The following LIPA variants were observed in gnomAD, a reference collection of about 807,000 sequenced individuals.
LIPA encodes lysosomal acid lipase/cholesteryl ester hydrolase.
LIPA carries 26 observed loss-of-function variants against 40.6 expected under a neutral mutation model. That is an observed-to-expected ratio of 0.64 (90% confidence interval 0.47 to 0.89). The LOEUF is 0.89. Ranked by LOEUF, LIPA falls within the 40% of genes least tolerant of loss-of-function variation. LIPA has a pLI of 0.00. For missense variants in LIPA, 455 were observed against 479.6 expected (o/e 0.95, Z 0.48); for synonymous variants, 188 against 168.4 (o/e 1.12, Z -0.90).
chr10:89,381,202 A>T (rs1313494605), intron 2 of LIPA, among the ~76,000 whole-genome samples: 1 of 152,174 alleles, frequency 6.6e-6, no homozygotes, highest in East Asian at 1.9e-4. Flanking sequence ...CTCTAGAGTA[A>T]TGGAAGTCTG....
intron 1 of LIPA, among the ~76,000 whole-genome samples, chr10:89,286,818 C>T: frequency 6.6e-6 from 1 of 152,250 alleles, no homozygotes; most frequent in East Asian, 1.9e-4. Context: ...AGAGTAGAGT[C>T]AGCCAAGTAA....
intron 2 of LIPA, among the ~76,000 whole-genome samples, chr10:89,364,046 A>G (rs1844041731): frequency 6.6e-6 from 1 of 152,202 alleles, no homozygotes; most frequent in East Asian, 1.9e-4. Flanking sequence ...TATCATATCT[A>G]AATCTAAATA....
intron 1 of LIPA, among the ~76,000 whole-genome samples, chr10:89,330,731 G>A (rs12098435): frequency 0.051 from 6,892 of 135,012 alleles, 526 homozygotes; most frequent in African/African-American, 0.19. Context: ...CAGGTGTCCT[G>A]TGGTTTTCTT....
intron 3 of LIPA, among the ~76,000 whole-genome samples, chr10:89,234,300 C>A (rs1190959076): frequency 6.6e-6 from 1 of 152,186 alleles, no homozygotes; most frequent in Non-Finnish European, 1.5e-5. Flanking sequence ...CTTGTCTGAC[C>A]TGGGGACACA....
At chr10:89,392,630 A>T in intron 2 of LIPA, 1 of 1,500,682 alleles carries the variant, frequency 6.7e-7, no homozygotes, top group South Asian at 1.1e-5. Context: ...CGTAACTGAA[A>T]ATCCACAAGA....
chr10:89,228,254 C>A lies in LIPA; in HGVS notation c.374G>T (p.Trp125Leu), dbSNP rs139290231. 1.2e-6 allele frequency: 2 copies of A among 1,614,120 alleles called. No individual in the cohort carries two copies. Among genetic ancestry groups the A allele is most frequent in the Non-Finnish European group, 1.7e-6 (2 of 1,180,030 alleles). Residue 125 changes from tryptophan (W) to leucine (L), a missense_variant, in exon 4 of 10, where the codon TGG becomes TTG. Physicochemically the swap from Trp to Leu is moderately conservative, Grantham distance 61. Coordinates refer to ENST00000336233, the MANE Select transcript of LIPA (RefSeq NM_000235.4). ...VWMGNSRGNT[W>L]SRKHKTLSVS... Reference sequence around the variant, plus strand: ...TGAGAGTGTCTTATGTTTCCGAGACCAGGTATTTCCTCTGCTGTTGCCCAT... The same window carrying A: ...TGAGAGTGTCTTATGTTTCCGAGACAAGGTATTTCCTCTGCTGTTGCCCAT...
chr10:89,258,321 A>G (rs1167785230), intron 1 of LIPA, among the ~76,000 whole-genome samples: 1 of 152,214 alleles, frequency 6.6e-6, no homozygotes, highest in Non-Finnish European at 1.5e-5. Flanking sequence ...TTAAAAATAT[A>G]GGAGTTCCTG....
intron 1 of LIPA, among the ~76,000 whole-genome samples, chr10:89,262,407 A>T (rs1426590546): frequency 6.6e-6 from 1 of 152,134 alleles, no homozygotes; most frequent in Non-Finnish European, 1.5e-5. Flanking sequence ...CACTTGTTGG[A>T]GTCTCTCTTT....
chr10:89,249,151 G>C (rs952631100), intron 1 of LIPA, among the ~76,000 whole-genome samples: 5 of 152,134 alleles, frequency 3.3e-5, no homozygotes, highest in African/African-American at 7.2e-5. Context: ...TGGGAAAAAA[G>C]TGAAATGAAA....
At position 89,383,369 on chromosome 10, in the gene LIPA, G is replaced by A. The variant is rs1372260319; in HGVS notation, c.61+29422C>T. The A allele has an allele frequency of 1.9e-6, 3 of 1,614,196 alleles. No homozygotes were observed. In the Admixed American group the frequency reaches 5.0e-5, roughly 27 times the overall value. The stretch of plus-strand genomic sequence containing the variant: ...GAAGACAGCCTGATTCAGCTGAGAT[G>A]TCACTTTACATGGAAGTTGTTAATT... On this transcript the variant is annotated intron_variant, in intron 2 of 8. Transcript: ENST00000371837.
chr10:89,389,355 T>C (rs1351935714), intron 2 of LIPA, among the ~76,000 whole-genome samples: 1 of 152,222 alleles, frequency 6.6e-6, no homozygotes. Flanking sequence ...AATGCCTTCA[T>C]TTAACTATGA....
intron 3 of LIPA, among the ~76,000 whole-genome samples, chr10:89,240,415 G>C (rs1842951719): frequency 6.6e-6 from 1 of 152,120 alleles, no homozygotes; most frequent in Non-Finnish European, 1.5e-5. Context: ...CTGCATTCTA[G>C]CCTGGGAGAC....
chr10:89,409,319 G>A (rs1841451021), intron 2 of LIPA, among the ~76,000 whole-genome samples: 2 of 152,154 alleles, frequency 1.3e-5, no homozygotes, highest in South Asian at 4.1e-4. Flanking sequence ...CTTAGTCGTG[G>A]CCCTCAGACA....
intron 2 of LIPA, among the ~76,000 whole-genome samples, chr10:89,246,871 TC>T (rs1353698647): frequency 6.6e-6 from 1 of 152,128 alleles, no homozygotes; most frequent in African/African-American, 2.4e-5. Flanking sequence ...TTCAATGTAT[TC>T]TAAAACCAGC....
At chr10:89,266,316 A>T (rs2133489746) in intron 1 of LIPA, among the ~76,000 whole-genome samples, 1 of 121,810 alleles carries the variant, frequency 8.2e-6, no homozygotes, top group South Asian at 2.9e-4. Context: ...TAAGAAAATG[A>T]CTGTGTATTG....
intron 2 of LIPA, among the ~76,000 whole-genome samples, chr10:89,388,064 A>AT (rs1264719288): frequency 6.6e-6 from 1 of 152,192 alleles, no homozygotes; most frequent in Admixed American, 6.5e-5. Flanking sequence ...TTGACTCTAC[A>AT]TTTTTAATAG....
chr10:89,225,274 T>C (rs1842754092), intron 5 of LIPA, 46 bp from the exon 6 acceptor site: 1 of 1,612,574 alleles, frequency 6.2e-7, no homozygotes, highest in Non-Finnish European at 8.5e-7. Context: ...CATCTGGGAT[T>C]TCCTTCTCAG....
intron 2 of LIPA, among the ~76,000 whole-genome samples, chr10:89,391,937 C>T (rs1844257348): frequency 6.6e-6 from 1 of 152,152 alleles, no homozygotes; most frequent in South Asian, 2.1e-4. Flanking sequence ...ACTCAAATTC[C>T]ATGAACTGTA....
At chr10:89,222,480 T>C in intron 8 of LIPA, 31 bp downstream of exon 8, 2 of 1,419,994 alleles carry the variant, frequency 1.4e-6, no homozygotes, top group Non-Finnish European at 1.0e-6. Flanking sequence ...TGATTTTACA[T>C]GAACCCCAAA....
Sources: allele counts gnomAD v4.1 joint callset (sites outside exome capture counted in the v4.1 genomes callset), GRCh38; gene constraint gnomAD v4.1.1; transcripts MANE v1.5; gene names NCBI Gene and HGNC (gene_info 2026-07-23, HGNC 2026-07-21).